Variants in PXYLP1 observed in about 807,000 individuals in gnomAD.
PXYLP1 encodes acid phosphatase-like 2.
Under a neutral mutation model 37.9 loss-of-function variants are expected in PXYLP1, and 17 were observed. The ratio of observed to expected loss-of-function variants is 0.45; its 90% CI spans 0.31 to 0.67. The LOEUF (loss-of-function observed/expected upper bound fraction) is 0.67. PXYLP1 is among the 30% of genes least tolerant of loss of function. The probability of loss-of-function intolerance (pLI) is 0.07; values close to 1 mark genes in which losing one functional copy is unlikely to be tolerated. For missense variants in PXYLP1, 511 were observed against 612.0 expected (o/e 0.84, Z 1.74); for synonymous variants, 221 against 232.2 (o/e 0.95, Z 0.44).
At chr3:141,233,239 G>A (rs1940574525) in intron 1 of PXYLP1, among the ~76,000 whole-genome samples, 1 of 152,130 alleles carries the variant, frequency 6.6e-6, no homozygotes, top group African/African-American at 2.4e-5. Context: ...AGGCCGAGGC[G>A]GGCGGATCAC....
At chr3:141,272,321 A>G (rs537277380) in intron 2 of PXYLP1, among the ~76,000 whole-genome samples, 13 of 152,184 alleles carry the variant, frequency 8.5e-5, no homozygotes, top group Non-Finnish European at 1.8e-4. Context: ...TTTGTGGCCT[A>G]GCAACCTGTG....
chr3:141,268,974 G>T (rs1005002369), intron 2 of PXYLP1, among the ~76,000 whole-genome samples: 1 of 152,210 alleles, frequency 6.6e-6, no homozygotes, highest in Non-Finnish European at 1.5e-5. Flanking sequence ...CTGGCCAGGG[G>T]TCTGCCCGTC....
chr3:141,261,782 G>A (rs1034912939), intron 2 of PXYLP1, among the ~76,000 whole-genome samples: 1 of 152,226 alleles, frequency 6.6e-6, no homozygotes, highest in Non-Finnish European at 1.5e-5. Context: ...TTTTGTAAAT[G>A]TCTGCTGAAT....
Position 141,248,687 on chromosome 3 carries a change from A to G in PXYLP1, c.-53-11436A>G, listed in dbSNP as rs557561181. On this transcript the variant is annotated intron_variant, in intron 1 of 5. Transcript: ENST00000286353. Reference sequence around the variant, plus strand: ...TATACACACACGTGTATATATACACACGTATATACACACACGTGTATATAT... The same window carrying G: ...TATACACACACGTGTATATATACACGCGTATATACACACACGTGTATATAT... Among the ~76,000 whole-genome samples, 30 of 35,492 alleles carry G rather than the reference A, an allele frequency of 8.5e-4. 4 individuals are homozygous for G. Among genetic ancestry groups the G allele is most frequent in the Non-Finnish European group, 1.1e-3 (24 of 22,700 alleles). 23.3% of individuals were successfully genotyped at this position (35,492 alleles called of 152,430 possible).
At chr3:141,273,179 G>A (rs975280745) in intron 2 of PXYLP1, 29 of 985,128 alleles carry the variant, frequency 2.9e-5, no homozygotes, top group South Asian at 1.9e-4. Context: ...TGTAAACCCC[G>A]TGAGGGCAGA....
intron 5 of PXYLP1, among the ~76,000 whole-genome samples, chr3:141,289,978 A>G (rs1239283731): frequency 6.6e-6 from 1 of 152,200 alleles, no homozygotes; most frequent in African/African-American, 2.4e-5. Flanking sequence ...GTTACTCTAG[A>G]AATCATTTTT....
chr3:141,246,951 GTC>G (rs1940973651), intron 1 of PXYLP1, among the ~76,000 whole-genome samples: 1 of 151,706 alleles, frequency 6.6e-6, no homozygotes, highest in African/African-American at 2.4e-5. Context: ...CCCACTACCT[GTC>G]TCAGCTCACC....
chr3:141,269,350 C>G (rs1941607491), intron 2 of PXYLP1, among the ~76,000 whole-genome samples: 1 of 152,202 alleles, frequency 6.6e-6, no homozygotes, highest in African/African-American at 2.4e-5. Flanking sequence ...CACATATATA[C>G]TCAAATACTA....
chr3:141,266,577 A>G (rs1470382860), intron 2 of PXYLP1, among the ~76,000 whole-genome samples: 1 of 121,984 alleles, frequency 8.2e-6, no homozygotes, highest in Non-Finnish European at 2.0e-5. Flanking sequence ...CCTGCTTAGA[A>G]GTTCTCAGGT....
intron 2 of PXYLP1, among the ~76,000 whole-genome samples, chr3:141,277,422 C>G (rs1332088061): frequency 1.3e-5 from 2 of 152,096 alleles, no homozygotes; most frequent in Non-Finnish European, 2.9e-5. Context: ...CAAAGACATT[C>G]CCTAGGCACG....
At chr3:141,277,899 C>T (rs994446518) in intron 2 of PXYLP1, among the ~76,000 whole-genome samples, 2 of 152,206 alleles carry the variant, frequency 1.3e-5, no homozygotes, top group Admixed American at 6.5e-5. Context: ...TGAAGGCCCA[C>T]AAAGCATAAA....
chr3:141,276,623 A>G (rs1017650239), intron 2 of PXYLP1, among the ~76,000 whole-genome samples: 1 of 152,184 alleles, frequency 6.6e-6, no homozygotes, highest in Admixed American at 6.5e-5. Context: ...CTTTGGCCAC[A>G]CATTTTTGTG....
chr3:141,274,534 C>A, intron 2 of PXYLP1: 1 of 1,416,310 alleles, frequency 7.1e-7, no homozygotes, highest in Non-Finnish European at 9.6e-7. Flanking sequence ...TCACCCCAGA[C>A]TGGTTCGGCA....
chr3:141,271,517 G>A (rs1941663286), intron 2 of PXYLP1, among the ~76,000 whole-genome samples: 1 of 152,166 alleles, frequency 6.6e-6, no homozygotes. Context: ...TAGTCAGTGG[G>A]GTGACTTGTG....
intron 1 of PXYLP1, among the ~76,000 whole-genome samples, chr3:141,235,825 C>A (rs1576570953): frequency 6.6e-6 from 1 of 152,332 alleles, no homozygotes; most frequent in East Asian, 1.9e-4. Flanking sequence ...CAGGAGGGCC[C>A]TGGCCAACTA....
rs1942280433 is a variant in PXYLP1, at chr3:141,293,476, T to C, written c.*271T>C. ...CGCTTAGAATGCCAGAATAATATAGTTCAAGACCTGAAGTTGCCAATCCAA... is the reference window on the plus strand; with the variant it reads ...CGCTTAGAATGCCAGAATAATATAGCTCAAGACCTGAAGTTGCCAATCCAA... On this transcript the variant is annotated 3_prime_UTR_variant, in exon 6 of 6. Transcript: ENST00000286353. 5 of 425,354 alleles carry C rather than the reference T, an allele frequency of 1.2e-5. 1 individual carries two copies. In the South Asian group the frequency reaches 1.9e-4, roughly 17 times the overall value. 26.3% of individuals were successfully genotyped at this position (425,354 alleles called of 1,614,324 possible). A position where few individuals can be genotyped will look rare whatever the true frequency, so the allele number is the denominator to read the frequency against.
intron 2 of PXYLP1, among the ~76,000 whole-genome samples, chr3:141,270,809 C>G (rs902072220): frequency 2.6e-5 from 4 of 152,146 alleles, no homozygotes; most frequent in Non-Finnish European, 5.9e-5. Flanking sequence ...TTCCAGATCC[C>G]AAGTTGAAGG....
In PXYLP1 at chr3:141,235,717, C is replaced by G. The variant is rs145300001; in HGVS notation, c.-54+3806C>G. ...TGCAGCCTTGCAGGTAAACGACGGC[C>G]CATTGGAGCCTCTCAACCTGGAGAT... On this transcript the variant is annotated intron_variant, in intron 1 of 5. Coordinates refer to ENST00000286353, the MANE Select transcript of PXYLP1 (RefSeq NM_001037172.3). 3.9e-5 allele frequency among the ~76,000 whole-genome samples: 6 copies of G among 152,316 alleles called. No homozygotes were observed. In the East Asian group the frequency reaches 1.2e-3, roughly 29 times the overall value.
chr3:141,292,193 C>G lies in PXYLP1; in HGVS notation c.506-75C>G. The G allele has an allele frequency of 3.5e-6, 5 of 1,418,466 alleles. No homozygotes were observed. Among genetic ancestry groups the G allele is most frequent in the African/African-American group, 2.9e-5 (2 of 69,918 alleles). The allele number at this position is 1,418,466 out of a possible 1,614,324, so 87.9% of individuals were successfully genotyped here. On this transcript the variant is annotated intron_variant, in intron 5 of 5. Coordinates refer to ENST00000286353, the MANE Select transcript of PXYLP1 (RefSeq NM_001037172.3). This position sits in a 1 kb window ranked among gnomAD's most constrained non-coding sequence, Gnocchi z 4.3. ...TGCCCTAAAACACTCCAGAGCCACA[C>G]GCTGACTCCACCTCCCCTTGCTGTT... is the stretch of plus-strand genomic sequence containing the variant.
Sources: allele counts gnomAD v4.1 joint callset (sites outside exome capture counted in the v4.1 genomes callset), GRCh38; gene constraint gnomAD v4.1.1; non-coding constraint Gnocchi (gnomAD v3.1); transcripts MANE v1.5; gene names NCBI Gene and HGNC (gene_info 2026-07-23, HGNC 2026-07-21).